Variants in MGMT observed in about 807,000 individuals in gnomAD.
The protein encoded by MGMT is O-6-methylguanine-DNA methyltransferase, also known as methylated-DNA--protein-cysteine methyltransferase.
A neutral mutation model predicts 15.9 loss-of-function variants in MGMT; 14 were observed. The observed-to-expected ratio is 0.88, with a 90% confidence interval of 0.58 to 1.37. MGMT has a LOEUF of 1.37. MGMT is among the 40% of genes most tolerant of loss of function. The pLI is 0.00. For synonymous variants in MGMT, 130 were observed against 118.2 expected, an observed-to-expected ratio of 1.10 and a Z score of -0.65; for missense variants, 282 against 268.1, an observed-to-expected ratio of 1.05 and a Z score of -0.36.
chr10:129,767,056 G>T lies in MGMT; in HGVS notation c.*59G>T. ...ACACGTGTAACACTGCATCGGATGC[G>T]GGGCGTGGAGGCACCGCTGTATTAA... On this transcript the variant is annotated 3_prime_UTR_variant, in exon 5 of 5. Transcript: ENST00000651593. 7.2e-7 allele frequency: 1 copy of T among 1,380,956 alleles called. No homozygotes were observed. The allele number at this position is 1,380,956 out of a possible 1,614,324, so 85.5% of individuals were successfully genotyped here.
chr10:129,655,313 C>T (rs1179540265), intron 2 of MGMT, among the ~76,000 whole-genome samples: 4 of 152,190 alleles, frequency 2.6e-5, no homozygotes, highest in Non-Finnish European at 4.4e-5. Context: ...TCCGAGCATG[C>T]GGAGAAGTGG....
At chr10:129,521,525 T>C (rs1488950808) in intron 1 of MGMT, among the ~76,000 whole-genome samples, 3 of 152,132 alleles carry the variant, frequency 2.0e-5, no homozygotes, top group Non-Finnish European at 4.4e-5. Flanking sequence ...GCAGTCTGGC[T>C]CACAGCCGGG....
chr10:129,705,638 C>G (rs1848151849), intron 2 of MGMT, among the ~76,000 whole-genome samples: 1 of 152,236 alleles, frequency 6.6e-6, no homozygotes, highest in African/African-American at 2.4e-5. Flanking sequence ...CAGAGATCAT[C>G]TGAGCTCTTT....
intron 2 of MGMT, among the ~76,000 whole-genome samples, chr10:129,560,862 C>T (rs60129093): frequency 0.098 from 14,902 of 151,830 alleles, 907 homozygotes; most frequent in East Asian, 0.31. Context: ...TTGAAAGCAT[C>T]GAAATATGAG....
At chr10:129,541,444 G>A (rs1189720355) in intron 2 of MGMT, among the ~76,000 whole-genome samples, 1 of 152,210 alleles carries the variant, frequency 6.6e-6, no homozygotes, top group Non-Finnish European at 1.5e-5. Flanking sequence ...AGTGCCCACA[G>A]TCTAATGAGA....
chr10:129,496,412 A>G (rs1845522031), intron 1 of MGMT, among the ~76,000 whole-genome samples: 1 of 152,182 alleles, frequency 6.6e-6, no homozygotes, highest in Non-Finnish European at 1.5e-5. Context: ...TTTTATAACA[A>G]GATTAATACC....
chr10:129,645,436 G>A (rs1663892625), intron 2 of MGMT, among the ~76,000 whole-genome samples: 1 of 152,156 alleles, frequency 6.6e-6, no homozygotes, highest in African/African-American at 2.4e-5. Context: ...GCCCACGTTT[G>A]GCAGGGTGGC....
chr10:129,517,668 G>A (rs972596334), intron 1 of MGMT, among the ~76,000 whole-genome samples: 14 of 152,276 alleles, frequency 9.2e-5, no homozygotes, highest in African/African-American at 2.9e-4. Context: ...GAGCGAGAGC[G>A]CTCGCCTCTG....
At chr10:129,515,331 G>T (rs780429672) in intron 1 of MGMT, among the ~76,000 whole-genome samples, 8 of 152,192 alleles carry the variant, frequency 5.3e-5, no homozygotes, top group Non-Finnish European at 8.8e-5. Context: ...AGCACAGGGC[G>T]GAGTGTGGGG....
chr10:129,540,705 A>G (rs1026771683), intron 2 of MGMT, among the ~76,000 whole-genome samples: 1 of 152,206 alleles, frequency 6.6e-6, no homozygotes, highest in African/African-American at 2.4e-5. Context: ...TGACAGATCA[A>G]TTTGGAAGCA....
intron 2 of MGMT, among the ~76,000 whole-genome samples, chr10:129,663,259 A>G (rs1470052216): frequency 6.6e-6 from 1 of 152,244 alleles, no homozygotes; most frequent in African/African-American, 2.4e-5. Context: ...CTTAAAACCT[A>G]TTCTTGAATG....
intron 1 of MGMT, among the ~76,000 whole-genome samples, chr10:129,493,282 T>A (rs966316300): frequency 6.6e-6 from 1 of 152,150 alleles, no homozygotes; most frequent in Admixed American, 6.5e-5. Flanking sequence ...ATCAGGGCCC[T>A]CGGGTTGTCA....
intron 2 of MGMT, among the ~76,000 whole-genome samples, chr10:129,572,310 C>G (rs551392928): frequency 2.0e-5 from 3 of 152,146 alleles, no homozygotes; most frequent in African/African-American, 7.2e-5. Flanking sequence ...GTGTGTACCC[C>G]AACACTTTTT....
intron 2 of MGMT, among the ~76,000 whole-genome samples, chr10:129,672,242 C>T (rs1163624993): frequency 6.6e-6 from 1 of 152,190 alleles, no homozygotes. Flanking sequence ...ACTTTTTCTT[C>T]AGGCTTCCAT....
intron 2 of MGMT, among the ~76,000 whole-genome samples, chr10:129,623,954 C>A (rs1847117801): frequency 6.6e-6 from 1 of 152,232 alleles, no homozygotes; most frequent in Non-Finnish European, 1.5e-5. Flanking sequence ...TTGCCTGTGC[C>A]CTTCCCAAGG....
Position 129,767,629 on chromosome 10 carries a change from A to T in MGMT, c.*632A>T, listed in dbSNP as rs1298605358. ...ACCATTTGCCAAGATTTGGAAAGAC[A>T]GAGAGCTCTCTGGACACGGGTTCGA... On this transcript the variant is annotated 3_prime_UTR_variant, in exon 5 of 5. Transcript: ENST00000651593. 6.6e-6 allele frequency: 1 copy of T among 152,304 alleles called. No homozygotes were observed. Among genetic ancestry groups the T allele is most frequent in the Non-Finnish European group, 1.5e-5 (1 of 68,064 alleles). The allele number at this position is 152,304 out of a possible 1,614,324, so 9.4% of individuals were successfully genotyped here.
chr10:129,467,934 C>G (rs1330735991), intron 1 of MGMT, among the ~76,000 whole-genome samples: 3 of 152,172 alleles, frequency 2.0e-5, no homozygotes, highest in Non-Finnish European at 2.9e-5. Context: ...CTCCTGAAAT[C>G]TCAGGGTGGT....
At chr10:129,640,135 T>C (rs1461566175) in intron 2 of MGMT, among the ~76,000 whole-genome samples, 4 of 151,574 alleles carry the variant, frequency 2.6e-5, no homozygotes, top group Admixed American at 1.3e-4. Flanking sequence ...TCTAGCTCTT[T>C]CTCCCAGCCT....
intron 1 of MGMT, among the ~76,000 whole-genome samples, chr10:129,517,422 C>T (rs1472475768): frequency 6.6e-6 from 1 of 152,236 alleles, no homozygotes; most frequent in African/African-American, 2.4e-5. Context: ...TGTGCCCCTC[C>T]TGTGTCCTCA....
Sources: allele counts gnomAD v4.1 joint callset (sites outside exome capture counted in the v4.1 genomes callset), GRCh38; gene constraint gnomAD v4.1.1; transcripts MANE v1.5; gene names NCBI Gene and HGNC (gene_info 2026-07-23, HGNC 2026-07-21).